Variants in SPAG16 observed in about 807,000 individuals in gnomAD.
SPAG16 encodes the protein sperm-associated antigen 16 protein.
A neutral mutation model predicts 80.4 loss-of-function variants in SPAG16; 86 were observed. The ratio of observed to expected loss-of-function variants is 1.07; its 90% CI spans 0.90 to 1.28. The LOEUF (loss-of-function observed/expected upper bound fraction) is 1.28, where lower values mean the gene tolerates loss of function less well. SPAG16 is among the 50% of genes most tolerant of loss of function. The pLI is 0.00. For missense variants in SPAG16, 870 were observed against 765.3 expected (o/e 1.14, Z -1.61); for synonymous variants, 294 against 265.9 (o/e 1.11, Z -1.03).
intron 5 of SPAG16, among the ~76,000 whole-genome samples, chr2:213,320,425 TCTAA>T (rs2063567512): frequency 6.6e-6 from 1 of 152,006 alleles, no homozygotes; most frequent in South Asian, 2.1e-4. Flanking sequence ...ACATTTCAAA[TCTAA>T]CTATTTTGAA....
chr2:213,289,206 A>G (rs551114867), intron 1 of SPAG16, among the ~76,000 whole-genome samples: 1 of 152,366 alleles, frequency 6.6e-6, no homozygotes, highest in East Asian at 1.9e-4. Context: ...GCAAGGCTGT[A>G]GATAAATATC....
chr2:213,811,639 A>T (rs1288428498), intron 10 of SPAG16, among the ~76,000 whole-genome samples: 1 of 152,218 alleles, frequency 6.6e-6, no homozygotes, highest in Non-Finnish European at 1.5e-5. Context: ...ACTAGCCAGA[A>T]AGAGAATAAG....
chr2:214,062,667 C>CTTTT (rs36069141), intron 13 of SPAG16, among the ~76,000 whole-genome samples: 38 of 122,724 alleles, frequency 3.1e-4, no homozygotes, highest in Non-Finnish European at 4.5e-4. Flanking sequence ...ATAGCCTCCT[C>CTTTT]TTTTTTTTTT....
chr2:214,016,760 A>G (rs1025286844), intron 13 of SPAG16, among the ~76,000 whole-genome samples: 1 of 152,178 alleles, frequency 6.6e-6, no homozygotes, highest in Non-Finnish European at 1.5e-5. Context: ...CAAGGCCTCC[A>G]TATTCTTCTT....
chr2:214,278,489 A>G (rs1252650029), intron 15 of SPAG16, among the ~76,000 whole-genome samples: 1 of 151,942 alleles, frequency 6.6e-6, no homozygotes, highest in Non-Finnish European at 1.5e-5. Flanking sequence ...AAGATTATTG[A>G]CCTTATTTTG....
rs368016848 is a variant in SPAG16, at chr2:213,407,805, C to CAG, written c.942+32699_942+32700dup. Among the ~76,000 whole-genome samples the CAG allele has an allele frequency of 4.9e-3, 446 of 90,152 alleles. 13 individuals are homozygous for CAG. The highest frequency in any genetic ancestry group is 0.011 in the Middle Eastern group (1 of 88). 59.1% of individuals were successfully genotyped at this position (90,152 alleles called of 152,430 possible). On this transcript the variant is annotated intron_variant, in intron 9 of 15. Coordinates refer to ENST00000331683, the MANE Select transcript of SPAG16 (RefSeq NM_024532.5). ...CAGAGAGGAAGAGAGACAGGAGAGG[C>CAG]AGAGAGAGAGAGAGGAGAGAGGCAG... is the stretch of plus-strand genomic sequence containing the variant.
intron 14 of SPAG16, among the ~76,000 whole-genome samples, chr2:214,118,199 G>A (rs1490118347): frequency 1.3e-5 from 2 of 152,004 alleles, no homozygotes; most frequent in African/African-American, 2.4e-5. Context: ...ATATGCAATA[G>A]CAAACTCTCC....
intron 15 of SPAG16, among the ~76,000 whole-genome samples, chr2:214,338,847 C>T (rs187525693): frequency 2.6e-5 from 4 of 152,194 alleles, no homozygotes; most frequent in East Asian, 3.9e-4. Flanking sequence ...AGAATAGTTG[C>T]GATTTTTGTT....
At chr2:214,363,899 TTTTGAGAAG>T (rs1699324156) in intron 15 of SPAG16, among the ~76,000 whole-genome samples, 1 of 152,100 alleles carries the variant, frequency 6.6e-6, no homozygotes, top group South Asian at 2.1e-4. Context: ...GAGGAATGTC[TTTTGAGAAG>T]TCCTGTTACA....
At chr2:213,756,176 TA>T (rs1041322727) in intron 10 of SPAG16, among the ~76,000 whole-genome samples, 2 of 151,376 alleles carry the variant, frequency 1.3e-5, no homozygotes, top group Admixed American at 6.6e-5. Flanking sequence ...CAATAGGTGT[TA>T]AAAAAAAGAA....
rs1269666651 is a variant in SPAG16, at chr2:214,279,128, C to G, written c.1720+129862C>G. ...CTTTTTTTTTTTTTTTTTTGAGTCT[C>G]GCTCTGTCTTCAGGTTGGAGTGCAG... On this transcript the variant is annotated intron_variant, in intron 15 of 15. Coordinates refer to ENST00000331683, the MANE Select transcript of SPAG16 (RefSeq NM_024532.5). 2.1e-5 allele frequency among the ~76,000 whole-genome samples: 3 copies of G among 144,746 alleles called. No individual in the cohort carries two copies. The East Asian group carries it at 6.1e-4, about 30-fold the overall frequency. The allele number at this position is 144,746 out of a possible 152,430, so 95.0% of individuals were successfully genotyped here. A position where few individuals can be genotyped will look rare whatever the true frequency, so the allele number is the denominator to read the frequency against.
At chr2:213,731,628 C>A (rs58541568) in intron 10 of SPAG16, among the ~76,000 whole-genome samples, 140,397 of 151,846 alleles carry the variant, frequency 0.92, 65,941 homozygotes, top group East Asian at 1. Context: ...TGATCCTGCC[C>A]CTCTTCCCAC....
chr2:213,826,404 T>G (rs192607559), intron 10 of SPAG16, among the ~76,000 whole-genome samples: 6 of 152,098 alleles, frequency 3.9e-5, no homozygotes, highest in Non-Finnish European at 7.4e-5. Context: ...CTTAGTACTG[T>G]TTTCACTATA....
intron 7 of SPAG16, among the ~76,000 whole-genome samples, chr2:213,352,939 T>C (rs2065415118): frequency 6.6e-6 from 1 of 152,218 alleles, no homozygotes; most frequent in East Asian, 1.9e-4. Context: ...GTTTGAATAT[T>C]ATATTAACTG....
intron 10 of SPAG16, among the ~76,000 whole-genome samples, chr2:213,559,436 G>A (rs776272347): frequency 1.4e-4 from 21 of 152,138 alleles, no homozygotes; most frequent in African/African-American, 4.6e-4. Context: ...AAATCTTACC[G>A]AATGAAAAAA....
chr2:213,846,012 C>T (rs139914304), intron 10 of SPAG16, among the ~76,000 whole-genome samples: 294 of 152,326 alleles, frequency 1.9e-3, no homozygotes, highest in African/African-American at 6.9e-3. Flanking sequence ...GAGTGTGATA[C>T]ATTTACTAGC....
intron 10 of SPAG16, among the ~76,000 whole-genome samples, chr2:213,852,924 G>T (rs1397477796): frequency 6.6e-6 from 1 of 152,142 alleles, no homozygotes; most frequent in African/African-American, 2.4e-5. Context: ...TGCACATCAC[G>T]ATATAAGATG....
At chr2:214,171,072 C>A (rs1337546815) in intron 15 of SPAG16, among the ~76,000 whole-genome samples, 1 of 151,946 alleles carries the variant, frequency 6.6e-6, no homozygotes, top group East Asian at 1.9e-4. Flanking sequence ...CCTTTACATC[C>A]AAGAGCGCCT....
intron 14 of SPAG16, among the ~76,000 whole-genome samples, chr2:214,128,681 T>A (rs965395046): frequency 1.3e-5 from 2 of 151,926 alleles, no homozygotes; most frequent in Non-Finnish European, 2.9e-5. Context: ...TTACCAGTTG[T>A]GTGAATTAGA....
Sources: gnomAD v4.1 joint callset for allele counts (sites outside exome capture counted in the v4.1 genomes callset) on GRCh38, gnomAD v4.1.1 for gene constraint, MANE v1.5 for transcripts, NCBI Gene and HGNC (gene_info 2026-07-23, HGNC 2026-07-21) for gene names.